The following DCDC1 variants were observed in gnomAD, a reference collection of about 807,000 sequenced individuals.
DCDC1 encodes doublecortin domain containing 1, also known as doublecortin domain-containing protein 1.
A neutral mutation model predicts 178.3 loss-of-function variants in DCDC1; 200 were observed. That is an observed-to-expected ratio of 1.12 (90% CI 1.00 to 1.26). The LOEUF (loss-of-function observed/expected upper bound fraction) is 1.26. Among genes scored for constraint, DCDC1 ranks in the 50% most tolerant of loss-of-function variants. The pLI is 0.00. For missense variants in DCDC1, 1,983 were observed against 1,749.2 expected (o/e 1.13, Z -2.38); for synonymous variants, 690 against 604.8 (o/e 1.14, Z -2.07).
chr11:30,881,616 C>A (rs1470506955), intron 36 of DCDC1, among the ~76,000 whole-genome samples: 2 of 152,108 alleles, frequency 1.3e-5, no homozygotes, highest in East Asian at 3.9e-4. Flanking sequence ...AAAATCTAGA[C>A]TTCTCAAATT....
At chr11:30,921,135 T>C (rs1312232637) in intron 24 of DCDC1, among the ~76,000 whole-genome samples, 200 bp from the exon 25 acceptor site, 4 of 152,202 alleles carry the variant, frequency 2.6e-5, no homozygotes, top group African/African-American at 9.6e-5. Flanking sequence ...TCAAAAATAC[T>C]AAAAATTGGT....
chr11:31,210,281 C>T (rs1442265719), intron 9 of DCDC1, among the ~76,000 whole-genome samples: 2 of 152,210 alleles, frequency 1.3e-5, no homozygotes, highest in African/African-American at 4.8e-5. Flanking sequence ...TTCTATGTCA[C>T]TGACTATCAA....
intron 10 of DCDC1, among the ~76,000 whole-genome samples, chr11:31,130,570 A>C (rs1962304729): frequency 6.6e-6 from 1 of 152,174 alleles, no homozygotes; most frequent in African/African-American, 2.4e-5. Flanking sequence ...GTGAGCAAAA[A>C]ATGAATACTT....
At chr11:31,101,310 T>C (rs1958487149) in intron 15 of DCDC1, among the ~76,000 whole-genome samples, 1 of 151,846 alleles carries the variant, frequency 6.6e-6, no homozygotes, top group African/African-American at 2.4e-5. Flanking sequence ...AAAAACAAAA[T>C]AAGTATTCCT....
At chr11:31,321,361 G>C (rs1227953822) in intron 3 of DCDC1, among the ~76,000 whole-genome samples, 6 of 135,278 alleles carry the variant, frequency 4.4e-5, no homozygotes, top group African/African-American at 1.7e-4. Context: ...CTCGTGGTGC[G>C]CCGTTTCTTA....
chr11:31,101,342 C>T (rs963233709), intron 15 of DCDC1, among the ~76,000 whole-genome samples: 11 of 146,064 alleles, frequency 7.5e-5, no homozygotes, highest in African/African-American at 2.1e-4. Flanking sequence ...AGATTTAAAA[C>T]GCCTTTCATA....
At position 31,110,260 on chromosome 11, in the gene DCDC1, T is replaced by C. The variant is rs1289736396; in HGVS notation, c.1587A>G (p.Arg529=). 1.4e-6 allele frequency: 1 copy of C among 711,590 alleles called. No homozygotes were observed. Among genetic ancestry groups the C allele is most frequent in the Non-Finnish European group, 2.6e-6 (1 of 387,726 alleles). The allele number at this position is 711,590 out of a possible 1,614,324, so 44.1% of individuals were successfully genotyped here. ...ATAAGTAAACTGTCAGTAAACTCAC[T>C]CTTTCCATCATATGGTCAGTTTGAA... The part of the protein sequence containing the change: ...SPIQTDHMME[R]LLLKIHQRLQ... Residue 529 remains arginine (R), a splice_region_variant and synonymous_variant, in exon 12 of 39, where the codon AGA becomes AGG. Transcript: ENST00000684477.
At chr11:31,070,505 C>T (rs958705085) in intron 18 of DCDC1, among the ~76,000 whole-genome samples, 1 of 152,128 alleles carries the variant, frequency 6.6e-6, no homozygotes, top group African/African-American at 2.4e-5. Flanking sequence ...CACATAATTC[C>T]CATTTCAACA....
chr11:31,261,928 C>A (rs190270329), intron 8 of DCDC1, among the ~76,000 whole-genome samples: 2 of 152,072 alleles, frequency 1.3e-5, no homozygotes, highest in African/African-American at 4.8e-5. Flanking sequence ...TCAGTAATGA[C>A]TTCTTCCATG....
At chr11:31,329,553 C>A (rs1565617177) in intron 2 of DCDC1, among the ~76,000 whole-genome samples, 1 of 152,076 alleles carries the variant, frequency 6.6e-6, no homozygotes, top group Non-Finnish European at 1.5e-5. Flanking sequence ...CAGCCCTGCC[C>A]CCCACCCCAC....
chr11:31,143,737 T>C (rs1276105037), intron 9 of DCDC1, among the ~76,000 whole-genome samples: 1 of 152,196 alleles, frequency 6.6e-6, no homozygotes, highest in African/African-American at 2.4e-5. Context: ...AGTCCCTCTA[T>C]AAAGAAATTC....
chr11:30,919,749 T>A (rs1946115411), intron 25 of DCDC1, among the ~76,000 whole-genome samples: 1 of 152,182 alleles, frequency 6.6e-6, no homozygotes. Context: ...TAATTGAGGA[T>A]AGAAACAATT....
intron 21 of DCDC1, among the ~76,000 whole-genome samples, chr11:30,947,846 T>C (rs1259809691): frequency 6.6e-6 from 1 of 151,740 alleles, no homozygotes; most frequent in Non-Finnish European, 1.5e-5. Flanking sequence ...CTAGAATGCA[T>C]AAGCTAAAAC....
chr11:31,052,855 T>C (rs1475353384), intron 20 of DCDC1, among the ~76,000 whole-genome samples: 2 of 152,068 alleles, frequency 1.3e-5, no homozygotes, highest in South Asian at 2.1e-4. Flanking sequence ...GGAAAGTTCA[T>C]AGCCCTAAAC....
chr11:30,985,508 C>A (rs1386725278), intron 20 of DCDC1, among the ~76,000 whole-genome samples: 1 of 151,934 alleles, frequency 6.6e-6, no homozygotes, highest in African/African-American at 2.4e-5. Context: ...GTAAAATGTG[C>A]AAATCTTAAA....
intron 9 of DCDC1, among the ~76,000 whole-genome samples, chr11:31,219,087 A>G (rs1410252499): frequency 6.6e-6 from 1 of 152,140 alleles, no homozygotes; most frequent in Admixed American, 6.6e-5. Flanking sequence ...TTGGTGCTAA[A>G]GAAGCACACA....
intron 9 of DCDC1, among the ~76,000 whole-genome samples, chr11:31,197,851 A>G (rs558140448): frequency 1.3e-5 from 2 of 152,238 alleles, no homozygotes; most frequent in South Asian, 4.1e-4. Flanking sequence ...ATGGAGTTCA[A>G]TAATGGCCCC....
chr11:31,233,776 C>T (rs1038381622), intron 9 of DCDC1, among the ~76,000 whole-genome samples: 12 of 152,140 alleles, frequency 7.9e-5, no homozygotes, highest in African/African-American at 2.9e-4. Flanking sequence ...GATTTGTCAC[C>T]TTGTTAATCA....
chr11:31,264,443 G>C (rs921957508), intron 8 of DCDC1, among the ~76,000 whole-genome samples: 2 of 152,130 alleles, frequency 1.3e-5, no homozygotes, highest in Admixed American at 6.6e-5. Context: ...AAGAGAGAGG[G>C]AGGCAGAAAG....
Sources: gnomAD v4.1 joint callset for allele counts (sites outside exome capture counted in the v4.1 genomes callset) on GRCh38, gnomAD v4.1.1 for gene constraint, MANE v1.5 for transcripts, NCBI Gene and HGNC (gene_info 2026-07-23, HGNC 2026-07-21) for gene names.